PFN2: variants seen among roughly 807,000 people sequenced by gnomAD.
PFN2 encodes profilin 2, also known as profilin-2.
A neutral mutation model predicts 15.3 loss-of-function variants in PFN2; 8 were observed. That is an observed-to-expected ratio of 0.52 (90% CI 0.31 to 0.95). The LOEUF is 0.95. Among genes scored for constraint, PFN2 ranks in the 40% least tolerant of loss-of-function variants. The pLI, the probability that PFN2 is intolerant of heterozygous loss-of-function variation, is 0.05. For synonymous variants in PFN2, 79 were observed against 67.9 expected (o/e 1.16, Z -0.81); for missense variants, 111 against 182.3 (o/e 0.61, Z 2.25).
chr3:149,966,123 G>T lies in PFN2; in HGVS notation c.*366C>A, dbSNP rs1454851650. 4 of 1,597,150 alleles carry T rather than the reference G, an allele frequency of 2.5e-6. No homozygotes were observed. In the East Asian group the frequency reaches 8.9e-5, roughly 36 times the overall value. ...TTGGTAGCATTGTGACCATAATTAG[G>T]GTTGTTGATGAAGACAGTTGCTAGG... On this transcript the variant is annotated 3_prime_UTR_variant, in exon 3 of 3. Coordinates refer to ENST00000239940, the MANE Select transcript of PFN2 (RefSeq NM_053024.4).
At position 149,966,030 on chromosome 3, in the gene PFN2, A is replaced by C; in HGVS notation, c.*459T>G. ...ACATACAGTGGTTAACATACAAATG[A>C]TCCATTGGGCAAACAGGAATCATGA... On this transcript the variant is annotated 3_prime_UTR_variant, in exon 3 of 3. Transcript: ENST00000239940. 2 of 1,487,490 alleles carry C rather than the reference A, an allele frequency of 1.3e-6. No homozygotes were observed. Among genetic ancestry groups the C allele is most frequent in the Non-Finnish European group, 1.8e-6 (2 of 1,123,882 alleles). 92.1% of individuals were successfully genotyped at this position (1,487,490 alleles called of 1,614,324 possible). A position where few individuals can be genotyped will look rare whatever the true frequency, so the allele number is the denominator to read the frequency against.
intron 1 of PFN2, chr3:149,970,216 C>CCGGAGGCGCGGGAGGCGCGGGAGG (rs1722816000): frequency 6.6e-6 from 1 of 152,230 alleles, no homozygotes; most frequent in Admixed American, 6.5e-5. Flanking sequence ...CCGCCGCCTC[C>CCGGAGGCGCGGGAGGCGCGGGAGG]CACAGCCGGA....
intron 2 of PFN2, 129 bp downstream of exon 2, chr3:149,968,229 G>A (rs1483917680): frequency 1.3e-6 from 1 of 757,482 alleles, no homozygotes; most frequent in Non-Finnish European, 2.3e-6. Flanking sequence ...CTTCTCCATA[G>A]TGCTGGGCAG....
In PFN2 at chr3:149,965,708, G is replaced by C; in HGVS notation, c.*781C>G. ...CAAACCAAATGCCTATGTGCGAAGGGAGGGGGGGCGGGAAAAAGAGAAGAG... is the reference window on the plus strand; with the variant it reads ...CAAACCAAATGCCTATGTGCGAAGGCAGGGGGGGCGGGAAAAAGAGAAGAG... On this transcript the variant is annotated 3_prime_UTR_variant, in exon 3 of 3. Coordinates refer to ENST00000239940, the MANE Select transcript of PFN2 (RefSeq NM_053024.4). The C allele has an allele frequency of 1.1e-6, 1 of 869,718 alleles. No homozygotes were observed. Among genetic ancestry groups the C allele is most frequent in the Middle Eastern group, 5.8e-4 (1 of 1,726 alleles). 53.9% of individuals were successfully genotyped at this position (869,718 alleles called of 1,614,324 possible). A position where few individuals can be genotyped will look rare whatever the true frequency, so the allele number is the denominator to read the frequency against.
At chr3:149,968,595 G>C in intron 1 of PFN2, 45 bp from the exon 2 acceptor site, 1 of 1,534,740 alleles carries the variant, frequency 6.5e-7, no homozygotes, top group Non-Finnish European at 8.9e-7. Flanking sequence ...CACACATTAA[G>C]TTGTAGTTAA....
intron 1 of PFN2, 151 bp downstream of exon 1, chr3:149,970,574 C>G: frequency 1.3e-6 from 1 of 747,660 alleles, no homozygotes; most frequent in Non-Finnish European, 1.8e-6. Flanking sequence ...TCGGCCTCCC[C>G]GCCCGCCCGG....
At chr3:149,970,165 T>C (rs1722811014) in intron 1 of PFN2, among the ~76,000 whole-genome samples, 1 of 151,776 alleles carries the variant, frequency 6.6e-6, no homozygotes, top group Non-Finnish European at 1.5e-5. Context: ...TCGGTAAACC[T>C]ACGCAAAGTC....
Position 149,970,880 on chromosome 3 carries a change from G to A in PFN2, c.-24C>T. 1 of 1,342,814 alleles carries A rather than the reference G, an allele frequency of 7.4e-7. No homozygotes were observed. Among genetic ancestry groups the A allele is most frequent in the Non-Finnish European group, 9.7e-7 (1 of 1,028,732 alleles). The allele number at this position is 1,342,814 out of a possible 1,614,324, so 83.2% of individuals were successfully genotyped here. A position where few individuals can be genotyped will look rare whatever the true frequency, so the allele number is the denominator to read the frequency against. On this transcript the variant is annotated 5_prime_UTR_variant, in exon 1 of 3. Transcript: ENST00000239940. ...ATCTTCGAGCCCTTCGCACTGCAGC[G>A]CGGACGGCGAGGAGCAGCAGGCGCA... is the stretch of plus-strand genomic sequence containing the variant.
At chr3:149,967,628 AATGT>A (rs1376402863) in intron 2 of PFN2, among the ~76,000 whole-genome samples, 2 of 152,244 alleles carry the variant, frequency 1.3e-5, no homozygotes, top group East Asian at 3.8e-4. Context: ...AACACATTAA[AATGT>A]ATTTGTAAAT....
chr3:149,968,309 T>C, intron 2 of PFN2, 49 bp downstream of exon 2: 3 of 1,496,040 alleles, frequency 2.0e-6, no homozygotes, highest in Non-Finnish European at 2.8e-6. Flanking sequence ...AACTGCTTAA[T>C]AAGTTGTAAT....
In PFN2 at chr3:149,966,224, G is replaced by C. The variant is rs186042043; in HGVS notation, c.*265C>G. The C allele has an allele frequency of 3.3e-5, 54 of 1,613,664 alleles. No individual in the cohort carries two copies. In the African/African-American group the frequency reaches 6.0e-4, roughly 18 times the overall value. ...GTTCATATGCTTTCTTGTTAAGTGT[G>C]CCTCCGTGGACACCTTCCTTTCCCA... On this transcript the variant is annotated 3_prime_UTR_variant, in exon 3 of 3. Transcript: ENST00000239940.
chr3:149,969,735 C>T (rs1176886475), intron 1 of PFN2, among the ~76,000 whole-genome samples: 5 of 152,148 alleles, frequency 3.3e-5, no homozygotes, highest in African/African-American at 4.8e-5. Context: ...CAGCCTTGGG[C>T]AGAAACAGGC....
At position 149,965,144 on chromosome 3, in the gene PFN2, C is replaced by A; in HGVS notation, c.*1345G>T. 1 of 1,175,542 alleles carries A rather than the reference C, an allele frequency of 8.5e-7. No individual in the cohort carries two copies. Among genetic ancestry groups the A allele is most frequent in the South Asian group, 1.6e-5 (1 of 63,356 alleles). The allele number at this position is 1,175,542 out of a possible 1,614,324, so 72.8% of individuals were successfully genotyped here. ...TAAAGTAGTGCCATTCGAAAGAAAC[C>A]CTTAATAGGTCAGTTAAAATCCATC... On this transcript the variant is annotated 3_prime_UTR_variant, in exon 3 of 3. Transcript: ENST00000239940.
chr3:149,968,260 A>G, intron 2 of PFN2, 98 bp downstream of exon 2: 1 of 1,076,592 alleles, frequency 9.3e-7, no homozygotes, highest in Non-Finnish European at 1.4e-6. Context: ...CCACCTTAAT[A>G]GCCATTATGG....
rs1339522987 is a variant in PFN2 at position 149,966,244 on chromosome 3, T to C, written c.*245A>G. On this transcript the variant is annotated 3_prime_UTR_variant, in exon 3 of 3. Transcript: ENST00000239940. ...AGTGTGCCTCCGTGGACACCTTCCTTTCCCATGACTATAACCAATGCTGGA... is the reference window on the plus strand; with the variant it reads ...AGTGTGCCTCCGTGGACACCTTCCTCTCCCATGACTATAACCAATGCTGGA... 6.2e-7 allele frequency: 1 copy of C among 1,613,522 alleles called. No homozygotes were observed. Among genetic ancestry groups the C allele is most frequent in the Non-Finnish European group, 8.5e-7 (1 of 1,179,684 alleles).
Position 149,966,310 on chromosome 3 carries a change from G to C in PFN2, c.*179C>G, listed in dbSNP as rs768550185. On this transcript the variant is annotated 3_prime_UTR_variant, in exon 3 of 3. Coordinates refer to ENST00000239940, the MANE Select transcript of PFN2 (RefSeq NM_053024.4). ...AAACAAAAGTGAACAGAATTATTTT[G>C]GGGGGGGAGGGCAGAAAGAAAGACA... is the stretch of plus-strand genomic sequence containing the variant. 2.5e-6 allele frequency: 4 copies of C among 1,589,950 alleles called. No homozygotes were observed. Among genetic ancestry groups the C allele is most frequent in the South Asian group, 2.3e-5 (2 of 88,722 alleles).
At chr3:149,968,741 A>C in intron 1 of PFN2, 191 bp from the exon 2 acceptor site, 1 of 547,972 alleles carries the variant, frequency 1.8e-6, no homozygotes, top group Non-Finnish European at 3.2e-6. Flanking sequence ...ATAATCACAT[A>C]TTTTACATGA....
chr3:149,968,646 G>C (rs563022362), intron 1 of PFN2, 96 bp from the exon 2 acceptor site: 1 of 996,828 alleles, frequency 1.0e-6, no homozygotes, highest in East Asian at 2.4e-5. Context: ...GCTGTAGCTA[G>C]GCTTATGCTA....
chr3:149,965,422 A>C lies in PFN2; in HGVS notation c.*1067T>G. The C allele has an allele frequency of 6.9e-7, 1 of 1,445,656 alleles. No homozygotes were observed. The highest frequency in any genetic ancestry group is 9.0e-7 in the Non-Finnish European group (1 of 1,107,336). The allele number at this position is 1,445,656 out of a possible 1,614,324, so 89.6% of individuals were successfully genotyped here. On this transcript the variant is annotated 3_prime_UTR_variant, in exon 3 of 3. Transcript: ENST00000239940. ...GGTGTGCAAAGAAAAAGGAAGAAAAATCTGAGCTATTGCAATGATGGAATG... is the reference window on the plus strand; with the variant it reads ...GGTGTGCAAAGAAAAAGGAAGAAAACTCTGAGCTATTGCAATGATGGAATG...
Sources: gnomAD v4.1 joint callset for allele counts (sites outside exome capture counted in the v4.1 genomes callset) on GRCh38, gnomAD v4.1.1 for gene constraint, MANE v1.5 for transcripts, NCBI Gene and HGNC (gene_info 2026-07-23, HGNC 2026-07-21) for gene names.